Variants in TENM3 observed in about 807,000 individuals in gnomAD.
TENM3 encodes teneurin transmembrane protein 3, also known as teneurin-3.
A neutral mutation model predicts 255.1 loss-of-function variants in TENM3; 63 were observed. That is an observed-to-expected ratio of 0.25 (90% CI 0.20 to 0.30). The LOEUF is 0.30. TENM3 is among the 10% of genes least tolerant of loss of function. The pLI, the probability that TENM3 is intolerant of heterozygous loss-of-function variation, is 1.00. For missense variants in TENM3, 2,929 were observed against 3,461.1 expected, an observed-to-expected ratio of 0.85 and a Z score of 3.86; for synonymous variants, 1,306 against 1,322.3, an observed-to-expected ratio of 0.99 and a Z score of 0.27.
At chr4:182,359,317 T>C (rs1364142727) in intron 3 of TENM3, among the ~76,000 whole-genome samples, 17 of 152,182 alleles carry the variant, frequency 1.1e-4, no homozygotes, top group Non-Finnish European at 2.9e-5. Flanking sequence ...CTTGCACCTC[T>C]GGGAGAATTC....
the TENM3 span, among the ~76,000 whole-genome samples, chr4:181,844,768 T>A: frequency 6.6e-6 from 1 of 152,174 alleles, no homozygotes; most frequent in Admixed American, 6.5e-5. Context: ...TATGACAATC[T>A]CCCAAGATGC....
At chr4:181,582,944 CAAG>C in the TENM3 span, among the ~76,000 whole-genome samples, 1 of 152,108 alleles carries the variant, frequency 6.6e-6, no homozygotes, top group African/African-American at 2.4e-5. Flanking sequence ...GCTTATTTCT[CAAG>C]AGATATGAAC....
At chr4:181,573,953 A>T in the TENM3 span, among the ~76,000 whole-genome samples, 2 of 152,158 alleles carry the variant, frequency 1.3e-5, no homozygotes, top group Non-Finnish European at 2.9e-5. Flanking sequence ...AGCAAAAAAA[A>T]TCCTTAAGAT....
At chr4:182,159,664 TTACCCATTAGAAGCGCTCAGC>T (rs889328374) in intron 1 of TENM3, among the ~76,000 whole-genome samples, 12 of 152,232 alleles carry the variant, frequency 7.9e-5, no homozygotes, top group African/African-American at 2.9e-4. Flanking sequence ...GCTTGCCAAG[TTACCCATTAGAAGCGCTCAGC>T]TCAAGGGGAA....
the TENM3 span, among the ~76,000 whole-genome samples, chr4:181,671,186 T>A: frequency 6.6e-6 from 1 of 152,152 alleles, no homozygotes; most frequent in Admixed American, 6.5e-5. Flanking sequence ...ACAAGTGAGT[T>A]CATGTTTTCC....
chr4:182,409,535 C>T (rs1050998266), intron 3 of TENM3, among the ~76,000 whole-genome samples: 1 of 152,176 alleles, frequency 6.6e-6, no homozygotes, highest in Non-Finnish European at 1.5e-5. Context: ...TAACTGCATC[C>T]TTTCCATGTG....
the TENM3 span, among the ~76,000 whole-genome samples, chr4:181,455,054 T>C: frequency 6.6e-6 from 1 of 152,084 alleles, no homozygotes; most frequent in Admixed American, 6.6e-5. Flanking sequence ...TGAATAAATC[T>C]TGTATCCCCC....
At chr4:181,766,744 T>C in the TENM3 span, among the ~76,000 whole-genome samples, 2 of 150,402 alleles carry the variant, frequency 1.3e-5, no homozygotes, top group African/African-American at 4.9e-5. Context: ...ACATAAAGTA[T>C]GTAGGCGTTC....
At chr4:182,334,527 C>T (rs1434938809) in intron 2 of TENM3, among the ~76,000 whole-genome samples, 3 of 151,848 alleles carry the variant, frequency 2.0e-5, no homozygotes, top group African/African-American at 7.3e-5. Flanking sequence ...ATAGTGAGGA[C>T]AAAATGGAGT....
intron 3 of TENM3, among the ~76,000 whole-genome samples, chr4:182,565,560 T>G (rs1743692645): frequency 1.3e-5 from 2 of 152,198 alleles, no homozygotes; most frequent in Admixed American, 1.3e-4. Flanking sequence ...ACCTTAATTA[T>G]TGAAATTAGC....
At chr4:182,340,318 G>C (rs549343263) in intron 2 of TENM3, among the ~76,000 whole-genome samples, 11 of 152,278 alleles carry the variant, frequency 7.2e-5, no homozygotes, top group African/African-American at 2.6e-4. Flanking sequence ...CATTAGACTT[G>C]TGTTGTGAGT....
chr4:182,796,738 G>A lies in TENM3; in HGVS notation c.7315G>A (p.Val2439Met), dbSNP rs1766518956. The change falls in exon 27 of 28, where the codon GTG becomes ATG. Residue 2439 changes from valine (V) to methionine (M), a missense_variant. Val to Met is a conservative substitution (Grantham distance 21). Transcript: ENST00000511685. ...TTTAACAGAACCTTCTTACGAACTT[G>A]TGAAGAGTCAGCAGTGGGATGATAT... is the stretch of plus-strand genomic sequence containing the variant. ...FDLTEPSYEL[V>M]KSQQWDDIPP... 5.0e-6 allele frequency: 8 copies of A among 1,610,668 alleles called. No individual in the cohort carries two copies. The highest frequency in any genetic ancestry group is 6.8e-6 in the Non-Finnish European group (8 of 1,178,332).
chr4:181,520,813 C>T, the TENM3 span, among the ~76,000 whole-genome samples: 1 of 151,742 alleles, frequency 6.6e-6, no homozygotes, highest in African/African-American at 2.4e-5. Flanking sequence ...ATGTTGAACG[C>T]TCAACAATTT....
At chr4:182,521,238 ATTC>A (rs751237128) in intron 3 of TENM3, among the ~76,000 whole-genome samples, 1 of 152,344 alleles carries the variant, frequency 6.6e-6, no homozygotes, top group East Asian at 1.9e-4. Flanking sequence ...ACACGTCACC[ATTC>A]TTCTTCAGAG....
At chr4:181,741,882 G>T in the TENM3 span, among the ~76,000 whole-genome samples, 1 of 152,246 alleles carries the variant, frequency 6.6e-6, no homozygotes, top group African/African-American at 2.4e-5. Flanking sequence ...TAGTTGATAC[G>T]TGAATGAACA....
chr4:181,879,810 C>T, the TENM3 span, among the ~76,000 whole-genome samples: 4 of 152,108 alleles, frequency 2.6e-5, no homozygotes, highest in East Asian at 1.9e-4. Flanking sequence ...TGTGGCACTT[C>T]GTTGATTGCT....
chr4:182,548,711 T>A (rs1317813679), intron 3 of TENM3: 1 of 152,174 alleles, frequency 6.6e-6, no homozygotes, highest in East Asian at 1.9e-4. Flanking sequence ...TTCTTACCGG[T>A]TTAATAATGG....
chr4:181,824,307 C>T, the TENM3 span, among the ~76,000 whole-genome samples: 2 of 151,526 alleles, frequency 1.3e-5, no homozygotes, highest in Non-Finnish European at 2.9e-5. Context: ...TTCTATGTCA[C>T]CCAGGCTGGC....
At chr4:181,930,042 A>G in the TENM3 span, among the ~76,000 whole-genome samples, 3 of 152,366 alleles carry the variant, frequency 2.0e-5, no homozygotes, top group Admixed American at 1.3e-4. Flanking sequence ...AGGGAAATTT[A>G]TAGCACTAAA....
Sources: allele counts gnomAD v4.1 joint callset (sites outside exome capture counted in the v4.1 genomes callset), GRCh38; gene constraint gnomAD v4.1.1; transcripts MANE v1.5; gene names NCBI Gene and HGNC (gene_info 2026-07-23, HGNC 2026-07-21).